TMEM185A: variants seen among roughly 807,000 people sequenced by gnomAD.
TMEM185A encodes the protein family with sequence similarity 11, member A.
In TMEM185A, 9 loss-of-function variants were observed where a neutral mutation model predicts 25.0. The observed-to-expected ratio is 0.36, with a 90% CI of 0.22 to 0.63. The LOEUF (loss-of-function observed/expected upper bound fraction) is 0.63. TMEM185A is among the 20% of genes least tolerant of loss of function. The pLI, the probability that TMEM185A is intolerant of heterozygous loss-of-function variation, is 0.68. For missense variants in TMEM185A, 103 were observed against 237.4 expected (o/e 0.43, Z 3.72); for synonymous variants, 45 against 93.5 (o/e 0.48, Z 2.99).
At chrX:149,605,392 ACTTT>A (rs1338961321) in intron 3 of TMEM185A, among the ~76,000 whole-genome samples, 15 of 73,569 alleles carry the variant, frequency 2.0e-4, no homozygotes, top group Middle Eastern at 9.8e-3. Flanking sequence ...CTCCCATGTC[ACTTT>A]CTATAGCCTC....
chrX:149,623,086 C>T (rs2090147287), intron 1 of TMEM185A, among the ~76,000 whole-genome samples: 1 of 111,744 alleles, frequency 8.9e-6, no homozygotes, highest in South Asian at 3.7e-4. Flanking sequence ...ACTATATTTG[C>T]CCTCTTGTGC....
At chrX:149,614,337 A>G (rs782003609) in intron 1 of TMEM185A, among the ~76,000 whole-genome samples, 1 of 112,373 alleles carries the variant, frequency 8.9e-6, no homozygotes, top group Non-Finnish European at 1.9e-5. Context: ...TAGGTCAAAG[A>G]CTATGAAGAA....
At chrX:149,606,804 G>A (rs2090054182) in intron 3 of TMEM185A, 1 of 112,561 alleles carries the variant, frequency 8.9e-6, no homozygotes, top group Non-Finnish European at 1.9e-5. Context: ...CCAAGGGCAG[G>A]AATGCCTAGA....
At chrX:149,611,239 A>G in intron 2 of TMEM185A, 48 bp downstream of exon 2, 1 of 1,114,477 alleles carries the variant, frequency 9.0e-7, no homozygotes, top group Non-Finnish European at 1.2e-6. Context: ...AAGTCAAGAT[A>G]TTGCTCCCTC....
intron 1 of TMEM185A, among the ~76,000 whole-genome samples, 188 bp downstream of exon 1, chrX:149,631,355 A>C (rs2090191223): frequency 9.0e-6 from 1 of 110,802 alleles, no homozygotes; most frequent in Non-Finnish European, 1.9e-5. Context: ...GCACGGGAGG[A>C]GGAAGCGGGC....
intron 1 of TMEM185A, among the ~76,000 whole-genome samples, chrX:149,620,539 C>A: frequency 8.9e-6 from 1 of 111,740 alleles, no homozygotes; most frequent in South Asian, 3.8e-4. Context: ...GGTGAAGAAT[C>A]CAGTGACAGA....
Position 149,628,088 on chromosome X carries a change from C to G in TMEM185A, c.38+3455G>C, listed in dbSNP as rs1414436229. On this transcript the variant is annotated intron_variant, in intron 1 of 6. Transcript: ENST00000600449. ...AACCCCCAGAGCAACACTTCTCAGC[C>G]TTTGTTCCAGTCTAGCACACCTGAG... 3.6e-5 allele frequency among the ~76,000 whole-genome samples: 4 copies of G among 111,979 alleles called. No homozygotes were observed. The East Asian group carries it at 1.1e-3, about 31-fold the overall frequency.
intron 3 of TMEM185A, among the ~76,000 whole-genome samples, chrX:149,608,209 C>T (rs1256858356): frequency 8.9e-6 from 1 of 112,328 alleles, no homozygotes; most frequent in Non-Finnish European, 1.9e-5. Context: ...ATTGTTATTT[C>T]CATCATCTTT....
At chrX:149,626,705 T>A (rs2090164530) in intron 1 of TMEM185A, among the ~76,000 whole-genome samples, 1 of 112,500 alleles carries the variant, frequency 8.9e-6, no homozygotes, top group Non-Finnish European at 1.9e-5. Context: ...CTGATCATTA[T>A]TTTTACTATC....
intron 4 of TMEM185A, chrX:149,601,373 G>A (rs2090016966): frequency 1.0e-5 from 1 of 98,398 alleles, no homozygotes; most frequent in African/African-American, 4.7e-5. Context: ...GCAGGATGCA[G>A]AAGAGGTCTG....
At chrX:149,603,292 C>CT (rs1180036279) in intron 4 of TMEM185A, among the ~76,000 whole-genome samples, 137 of 103,408 alleles carry the variant, frequency 1.3e-3, no homozygotes, top group Middle Eastern at 4.9e-3. Flanking sequence ...ATGGGTATGG[C>CT]TTTTTTTTTT....
intron 4 of TMEM185A, among the ~76,000 whole-genome samples, chrX:149,603,467 C>T (rs1398393634): frequency 3.6e-5 from 4 of 111,215 alleles, no homozygotes; most frequent in Non-Finnish European, 7.5e-5. Flanking sequence ...GTGCAGTATA[C>T]GTATATAGGA....
chrX:149,631,620 C>G lies in TMEM185A; in HGVS notation c.-40G>C. On this transcript the variant is annotated 5_prime_UTR_variant, in exon 1 of 7. Transcript: ENST00000600449. ...CCGCGGCGTCCTCCTCCTCCTCCCC[C>G]GCACCCCGTGCTGCACAGCCTGCGC... is the stretch of plus-strand genomic sequence containing the variant. 8.8e-7 allele frequency: 1 copy of G among 1,132,952 alleles called. No individual in the cohort carries two copies. The highest frequency in any genetic ancestry group is 1.2e-6 in the Non-Finnish European group (1 of 849,226). 93.4% of individuals were successfully genotyped at this position (1,132,952 alleles called of 1,213,427 possible). A position where few individuals can be genotyped will look rare whatever the true frequency, so the allele number is the denominator to read the frequency against.
chrX:149,618,693 C>CAAT (rs2090123604), intron 1 of TMEM185A, among the ~76,000 whole-genome samples: 3 of 111,701 alleles, frequency 2.7e-5, no homozygotes, highest in African/African-American at 6.5e-5. Context: ...ATTTACGATA[C>CAAT]AGTTGTTATT....
At chrX:149,608,495 T>A (rs1300799429) in intron 3 of TMEM185A, 132 bp downstream of exon 3, 21 of 586,001 alleles carry the variant, frequency 3.6e-5, no homozygotes, top group Non-Finnish European at 5.3e-5. Flanking sequence ...CACACCCGGC[T>A]AATTTTTGTA....
chrX:149,623,859 G>A (rs1342888861), intron 1 of TMEM185A, among the ~76,000 whole-genome samples: 1 of 112,172 alleles, frequency 8.9e-6, no homozygotes, highest in Non-Finnish European at 1.9e-5. Flanking sequence ...CCTAGTTGGG[G>A]AAAGAAAGAA....
At chrX:149,615,480 A>G (rs782181810) in intron 1 of TMEM185A, among the ~76,000 whole-genome samples, 17 of 111,882 alleles carry the variant, frequency 1.5e-4, no homozygotes, top group Non-Finnish European at 2.8e-4. Flanking sequence ...AAGAAATTAA[A>G]AGAATATAGT....
intron 3 of TMEM185A, chrX:149,605,012 C>CA (rs1383559966): frequency 8.9e-6 from 1 of 112,025 alleles, no homozygotes; most frequent in East Asian, 2.8e-4. Context: ...ACTAGGAAGA[C>CA]AGACACACAA....
At chrX:149,626,558 G>A (rs1346842101) in intron 1 of TMEM185A, among the ~76,000 whole-genome samples, 2 of 111,962 alleles carry the variant, frequency 1.8e-5, no homozygotes, top group African/African-American at 3.3e-5. Flanking sequence ...GGTATTTCTC[G>A]TCAGGTGGGA....
Sources: allele counts gnomAD v4.1 joint callset (sites outside exome capture counted in the v4.1 genomes callset), GRCh38; gene constraint gnomAD v4.1.1; transcripts MANE v1.5; gene names NCBI Gene and HGNC (gene_info 2026-07-23, HGNC 2026-07-21).